The following ROR2 variants were observed in gnomAD, a reference collection of about 807,000 sequenced individuals.
The protein encoded by ROR2 is ROR family WNT receptor 2, also known as tyrosine-protein kinase transmembrane receptor ROR2.
A neutral mutation model predicts 74.9 loss-of-function variants in ROR2; 33 were observed. The ratio of observed to expected loss-of-function variants is 0.44; its 90% CI spans 0.33 to 0.59. ROR2 has a LOEUF of 0.59. ROR2 is among the 20% of genes least tolerant of loss of function. The probability of loss-of-function intolerance (pLI) is 0.02; values close to 1 mark genes in which losing one functional copy is unlikely to be tolerated. For missense variants in ROR2, 1,216 were observed against 1,313.8 expected, an observed-to-expected ratio of 0.93 and a Z score of 1.15; for synonymous variants, 586 against 558.7, an observed-to-expected ratio of 1.05 and a Z score of -0.69.
At chr9:91,922,744 C>T (rs572778665) in intron 1 of ROR2, among the ~76,000 whole-genome samples, 144 of 152,260 alleles carry the variant, frequency 9.5e-4, no homozygotes, top group Non-Finnish European at 1.7e-3. Flanking sequence ...GGAGCCACCG[C>T]GCCCGACCAA....
chr9:91,902,760 A>G (rs962294614), intron 1 of ROR2, among the ~76,000 whole-genome samples: 1 of 152,262 alleles, frequency 6.6e-6, no homozygotes, highest in African/African-American at 2.4e-5. Context: ...AAAACAAATG[A>G]CTATTTAAAA....
At chr9:91,916,457 C>A (rs1831138230) in intron 1 of ROR2, among the ~76,000 whole-genome samples, 1 of 152,312 alleles carries the variant, frequency 6.6e-6, no homozygotes, top group Admixed American at 6.5e-5. Context: ...TGAGGGAAAC[C>A]CTGGGCTCCC....
chr9:91,943,122 G>A (rs887320421), intron 1 of ROR2, among the ~76,000 whole-genome samples: 1 of 152,106 alleles, frequency 6.6e-6, no homozygotes, highest in Non-Finnish European at 1.5e-5. Context: ...TGGCCCCTGA[G>A]TACATCTGCC....
At position 91,738,632 on chromosome 9, in the gene ROR2, T is replaced by C. The variant is rs982357431; in HGVS notation, c.495-1114A>G. Among the ~76,000 whole-genome samples the C allele has an allele frequency of 9.2e-5, 14 of 152,236 alleles. 1 individual carries two copies. The highest frequency in any genetic ancestry group is 7.9e-4 in the Admixed American group (12 of 15,286). On this transcript the variant is annotated intron_variant, in intron 4 of 8. Coordinates refer to ENST00000375708, the MANE Select transcript of ROR2 (RefSeq NM_004560.4). ...AGCAATACACAAATGTATTCTCTAC[T>C]ATGTTCAAAGGTGATGGTAGGGACT...
At chr9:91,755,361 G>A (rs1825714549) in intron 4 of ROR2, among the ~76,000 whole-genome samples, 1 of 152,214 alleles carries the variant, frequency 6.6e-6, no homozygotes, top group South Asian at 2.1e-4. Flanking sequence ...ATCTCAAAGT[G>A]AAGCACTGCT....
intron 1 of ROR2, among the ~76,000 whole-genome samples, chr9:91,841,145 C>T (rs1828770864): frequency 6.6e-6 from 1 of 152,212 alleles, no homozygotes; most frequent in African/African-American, 2.4e-5. Flanking sequence ...CTCCTTTTAT[C>T]CTCATTTTAC....
chr9:91,834,056 CT>C (rs1334616210), intron 1 of ROR2, among the ~76,000 whole-genome samples: 1 of 152,180 alleles, frequency 6.6e-6, no homozygotes, highest in Non-Finnish European at 1.5e-5. Flanking sequence ...CTCATTCCGG[CT>C]TTTGTTCCAG....
intron 1 of ROR2, among the ~76,000 whole-genome samples, chr9:91,862,185 C>A (rs1024437947): frequency 1.3e-5 from 2 of 152,066 alleles, no homozygotes; most frequent in African/African-American, 4.8e-5. Context: ...AAAAAATTAG[C>A]CGGGTGTGGT....
rs1827138091 is a variant in ROR2, at chr9:91,795,491, AC to A, written c.98-19674del. On this transcript the variant is annotated intron_variant, in intron 1 of 8. Coordinates refer to ENST00000375708, the MANE Select transcript of ROR2 (RefSeq NM_004560.4). ...TTTTCTTTAAACTAATGGATTAGTC[AC>A]TTCTAAGCTTTCTCCTTTTAAAAGA... is the stretch of plus-strand genomic sequence containing the variant. Among the ~76,000 whole-genome samples the A allele has an allele frequency of 2.0e-5, 3 of 152,376 alleles. No individual in the cohort carries two copies. In the South Asian group the frequency reaches 6.2e-4, roughly 32 times the overall value.
At chr9:91,815,112 T>C (rs796194306) in intron 1 of ROR2, among the ~76,000 whole-genome samples, 77 of 152,360 alleles carry the variant, frequency 5.1e-4, no homozygotes, top group African/African-American at 1.8e-3. Context: ...TTAATTCTTG[T>C]AGGGAATTGA....
rs148696095 is a variant in ROR2 at position 91,793,784 on chromosome 9, A to G, written c.98-17966T>C. Among the ~76,000 whole-genome samples, 623 of 152,132 alleles carry G rather than the reference A, an allele frequency of 4.1e-3. 4 individuals are homozygous for G. Among genetic ancestry groups the G allele is most frequent in the African/African-American group, 0.014 (600 of 41,528 alleles). ...TTCAAAAAAAAAAAAAAAGACACAA[A>G]GAGTTTACATAAAAATAAAATTGCA... On this transcript the variant is annotated intron_variant, in intron 1 of 8. Transcript: ENST00000375708.
At chr9:91,807,530 C>A (rs967317987) in intron 1 of ROR2, among the ~76,000 whole-genome samples, 3 of 152,198 alleles carry the variant, frequency 2.0e-5, no homozygotes, top group African/African-American at 7.2e-5. Context: ...GCTGTGAAAA[C>A]CCCAACCTGA....
At chr9:91,861,767 T>C (rs1374016859) in intron 1 of ROR2, among the ~76,000 whole-genome samples, 1 of 152,196 alleles carries the variant, frequency 6.6e-6, no homozygotes, top group African/African-American at 2.4e-5. Context: ...TATTAAAAAC[T>C]TGTGTGCTTC....
intron 1 of ROR2, among the ~76,000 whole-genome samples, chr9:91,852,076 G>A (rs1335565054): frequency 6.6e-6 from 1 of 151,674 alleles, no homozygotes; most frequent in Non-Finnish European, 1.5e-5. Context: ...TTCTCACTAA[G>A]GTTATTCCTG....
intron 1 of ROR2, among the ~76,000 whole-genome samples, chr9:91,904,375 T>G (rs544149788): frequency 6.6e-6 from 1 of 152,208 alleles, no homozygotes; most frequent in African/African-American, 2.4e-5. Flanking sequence ...CCCACTGCCC[T>G]CCTAGCACCA....
intron 8 of ROR2, among the ~76,000 whole-genome samples, chr9:91,725,571 C>T (rs961533257): frequency 3.9e-5 from 6 of 152,200 alleles, no homozygotes; most frequent in Admixed American, 2.0e-4. Flanking sequence ...GGCTTTCCCA[C>T]GACATTTTTG....
intron 1 of ROR2, among the ~76,000 whole-genome samples, chr9:91,809,606 C>T (rs572016429): frequency 6.6e-6 from 1 of 152,248 alleles, no homozygotes; most frequent in Non-Finnish European, 1.5e-5. Flanking sequence ...AGGGCCAAAG[C>T]CAAATCCTGC....
At chr9:91,818,722 G>A (rs904887229) in intron 1 of ROR2, among the ~76,000 whole-genome samples, 2 of 152,200 alleles carry the variant, frequency 1.3e-5, no homozygotes, top group Non-Finnish European at 1.5e-5. Context: ...AGTGGGCTCA[G>A]GGGGTCTTAG....
Position 91,775,761 on chromosome 9 carries a change from C to A in ROR2, c.155G>T (p.Gly52Val). ...CTCACCTTTCAGAGTTGGAATCGGG[C>A]CGTCCTGCCCATCAAGGGGTCCTAA... is the stretch of plus-strand genomic sequence containing the variant. Reference protein sequence around the residue: ...DPLGPLDGQDGPIPTLKGYFL... With the variant: ...DPLGPLDGQDVPIPTLKGYFL... The change falls in exon 2 of 9, where the codon GGC becomes GTC. Residue 52 changes from glycine (G) to valine (V), a missense_variant. Coordinates refer to ENST00000375708, the MANE Select transcript of ROR2 (RefSeq NM_004560.4). 3 of 1,614,176 alleles carry A rather than the reference C, an allele frequency of 1.9e-6. No homozygotes were observed. The highest frequency in any genetic ancestry group is 2.5e-6 in the Non-Finnish European group (3 of 1,180,018).
Sources: gnomAD v4.1 joint callset for allele counts (sites outside exome capture counted in the v4.1 genomes callset) on GRCh38, gnomAD v4.1.1 for gene constraint, MANE v1.5 for transcripts, NCBI Gene and HGNC (gene_info 2026-07-23, HGNC 2026-07-21) for gene names.